LCP1: variants seen among roughly 807,000 people sequenced by gnomAD.
LCP1 encodes the protein lymphocyte cytosolic protein 1, also known as plastin-2.
Under a neutral mutation model 72.0 loss-of-function variants are expected in LCP1, and 23 were observed. That is an observed-to-expected ratio of 0.32 (90% CI 0.23 to 0.45). LCP1 has a LOEUF of 0.45. Ranked by LOEUF, LCP1 falls within the 20% of genes least tolerant of loss-of-function variation. LCP1 has a pLI of 1.00. For missense variants in LCP1, 571 were observed against 748.3 expected (o/e 0.76, Z 2.76); for synonymous variants, 245 against 275.4 (o/e 0.89, Z 1.09).
At chr13:46,181,097 T>C (rs1371213368) in intron 1 of LCP1, among the ~76,000 whole-genome samples, 4 of 152,244 alleles carry the variant, frequency 2.6e-5, no homozygotes, top group Admixed American at 6.5e-5. Flanking sequence ...AAGATGTGTG[T>C]GGATAAGCCA....
Position 46,140,141 on chromosome 13 carries a change from T to C in LCP1, c.1502+2151A>G, listed in dbSNP as rs201827985. 9.9e-5 allele frequency among the ~76,000 whole-genome samples: 15 copies of C among 152,220 alleles called. No homozygotes were observed. The East Asian group carries it at 2.9e-3, about 29-fold the overall frequency. ...GAGAAATGAAGGAAGCCCAGGTGCC[T>C]AGAATTTAGGGGAAAGACTATCAGA... On this transcript the variant is annotated intron_variant, in intron 13 of 15. Coordinates refer to ENST00000323076, the MANE Select transcript of LCP1 (RefSeq NM_002298.5).
intron 1 of LCP1, among the ~76,000 whole-genome samples, chr13:46,174,855 AAAAG>A (rs2045921383): frequency 6.6e-6 from 1 of 151,782 alleles, no homozygotes; most frequent in African/African-American, 2.4e-5. Flanking sequence ...AAAAAAAGAA[AAAAG>A]AAAGAAAATG....
chr13:46,169,975 G>C (rs2045896893), intron 1 of LCP1, among the ~76,000 whole-genome samples: 1 of 152,206 alleles, frequency 6.6e-6, no homozygotes, highest in Non-Finnish European at 1.5e-5. Context: ...CTTCCTCTGA[G>C]CTTTGGTCCA....
intron 1 of LCP1, among the ~76,000 whole-genome samples, chr13:46,175,596 G>A (rs1003478405): frequency 5.3e-5 from 8 of 152,062 alleles, no homozygotes; most frequent in African/African-American, 1.9e-4. Flanking sequence ...GAGAAAAACT[G>A]TGTGAACATC....
chr13:46,162,214 A>G (rs2045842699), intron 1 of LCP1, among the ~76,000 whole-genome samples: 1 of 147,716 alleles, frequency 6.8e-6, no homozygotes, highest in East Asian at 2.1e-4. Context: ...CATCCCATCC[A>G]TCCATTTATT....
At chr13:46,127,758 C>G (rs200776485) in intron 15 of LCP1, 35 bp from the exon 16 acceptor site, 1 of 1,612,846 alleles carries the variant, frequency 6.2e-7, no homozygotes, top group East Asian at 2.2e-5. Flanking sequence ...TAAGGAGAGC[C>G]TGAGAAACAC....
chr13:46,139,342 G>C (rs139977663), intron 13 of LCP1, among the ~76,000 whole-genome samples: 2 of 152,286 alleles, frequency 1.3e-5, no homozygotes, highest in East Asian at 3.9e-4. Context: ...TGTGAATCAG[G>C]GAGTGAAATC....
chr13:46,155,242 A>G (rs561108416), intron 5 of LCP1, among the ~76,000 whole-genome samples: 1 of 152,224 alleles, frequency 6.6e-6, no homozygotes, highest in Non-Finnish European at 1.5e-5. Flanking sequence ...AATTGTCCCC[A>G]TTATATAAAA....
intron 10 of LCP1, 67 bp from the exon 11 acceptor site, chr13:46,144,587 T>C (rs6561297): frequency 0.043 from 45,545 of 1,055,284 alleles, 2,180 homozygotes; most frequent in African/African-American, 0.22. Context: ...GACCAAAGTT[T>C]AACTAAAGAG....
intron 1 of LCP1, among the ~76,000 whole-genome samples, chr13:46,163,397 C>T (rs1051739534): frequency 7.9e-5 from 12 of 152,110 alleles, no homozygotes; most frequent in African/African-American, 2.9e-4. Context: ...GGATTAAGGG[C>T]GGTGCCAGAT....
chr13:46,127,451 T>G lies in LCP1; in HGVS notation c.*140A>C. ...TTTGTTAAATACAGGAGAGGCTACT[T>G]GGCTGCACTAATATGTGCTTTTTGG... On this transcript the variant is annotated 3_prime_UTR_variant, in exon 16 of 16. Coordinates refer to ENST00000323076, the MANE Select transcript of LCP1 (RefSeq NM_002298.5). 1 of 1,029,408 alleles carries G rather than the reference T, an allele frequency of 9.7e-7. No homozygotes were observed. The highest frequency in any genetic ancestry group is 1.6e-5 in the South Asian group (1 of 60,820). The allele number at this position is 1,029,408 out of a possible 1,614,324, so 63.8% of individuals were successfully genotyped here.
chr13:46,164,954 G>A (rs766854295), intron 1 of LCP1, among the ~76,000 whole-genome samples: 6 of 152,108 alleles, frequency 3.9e-5, no homozygotes, highest in Non-Finnish European at 7.4e-5. Context: ...GGCCCCTAAG[G>A]TCCATAACTG....
rs1348278386 is a variant in LCP1, at chr13:46,142,409, T to A, written c.1385A>T (p.Tyr462Phe). Residue 462 changes from tyrosine (Y) to phenylalanine (F), a missense_variant, in exon 13 of 16, where the codon TAC becomes TTC. By Grantham distance (22) the Tyr-to-Phe change is conservative (BLOSUM62 3). Transcript: ENST00000323076. ...TTGATTCTTCCCCAATTCTACCGCG[T>A]AGTTACAATTCTCAAGCTGAATGAG... is the stretch of plus-strand genomic sequence containing the variant. ...GNMKKLENCN[Y>F]AVELGKNQAK... The A allele has an allele frequency of 6.2e-7, 1 of 1,613,754 alleles. No individual in the cohort carries two copies. Among genetic ancestry groups the A allele is most frequent in the Admixed American group, 1.7e-5 (1 of 60,018 alleles).
In LCP1 at chr13:46,142,331, C is replaced by T. The variant is rs755322384; in HGVS notation, c.1463G>A (p.Arg488His). Residue 488 changes from arginine (R) to histidine (H), a missense_variant, in exon 13 of 16, where the codon CGC becomes CAC. By Grantham distance (29) the Arg-to-His change is conservative (BLOSUM62 0). Coordinates refer to ENST00000323076, the MANE Select transcript of LCP1 (RefSeq NM_002298.5). ...CCAAATCAAGGCCAGTGTGAGAGTG[C>T]GGTTTCCTTCATTGAGATCTTGTCC... The part of the protein sequence containing the change: ...IGGQDLNEGN[R>H]TLTLALIWQL... 43 of 1,613,854 alleles carry T rather than the reference C, an allele frequency of 2.7e-5. 1 individual carries two copies. The highest frequency in any genetic ancestry group is 1.4e-4 in the South Asian group (13 of 91,066).
intron 1 of LCP1, among the ~76,000 whole-genome samples, chr13:46,168,828 T>C (rs1485930963): frequency 6.6e-6 from 1 of 152,220 alleles, no homozygotes; most frequent in East Asian, 1.9e-4. Context: ...TCAGAGGAAA[T>C]AACAGGAGCT....
intron 13 of LCP1, among the ~76,000 whole-genome samples, chr13:46,136,184 C>T (rs1180520775): frequency 1.3e-5 from 2 of 152,076 alleles, no homozygotes; most frequent in East Asian, 1.9e-4. Flanking sequence ...CCTCCTTCTG[C>T]CTCCTGCTTC....
At chr13:46,162,386 C>T (rs898774426) in intron 1 of LCP1, among the ~76,000 whole-genome samples, 5 of 151,664 alleles carry the variant, frequency 3.3e-5, no homozygotes, top group South Asian at 2.1e-4. Context: ...TATGGGCTCA[C>T]TGCAACCTCC....
At position 46,147,096 on chromosome 13, in the gene LCP1, T is replaced by A. The variant is rs372856916; in HGVS notation, c.986A>T (p.Asp329Val). The change falls in exon 10 of 16, where the codon GAT (aspartate) becomes GTT (valine). Residue 329 changes from aspartate (D) to valine (V), a missense_variant. Physicochemically the swap from Asp to Val is radical, Grantham distance 152. Transcript: ENST00000323076. ...VIDMSGLREK[D>V]DIQRAECMLQ... The stretch of plus-strand genomic sequence containing the variant: ...CATGCATTCTGCCCTCTGGATGTCA[T>A]CCTTCTCCTGCAATGCAAAAGGATG... 1 of 1,585,416 alleles carries A rather than the reference T, an allele frequency of 6.3e-7. No individual in the cohort carries two copies. The highest frequency in any genetic ancestry group is 1.4e-5 in the African/African-American group (1 of 73,584).
intron 15 of LCP1, among the ~76,000 whole-genome samples, chr13:46,128,449 T>C (rs2045613867): frequency 6.6e-6 from 1 of 152,048 alleles, no homozygotes; most frequent in Admixed American, 6.5e-5. Context: ...ATACAAAAAA[T>C]TAGCCAGGCG....
Sources: gnomAD v4.1 joint callset for allele counts (sites outside exome capture counted in the v4.1 genomes callset) on GRCh38, gnomAD v4.1.1 for gene constraint, MANE v1.5 for transcripts, NCBI Gene and HGNC (gene_info 2026-07-23, HGNC 2026-07-21) for gene names.